The following SNX29 variants were observed in gnomAD, a reference collection of about 807,000 sequenced individuals.
SNX29 encodes sorting nexin-29.
SNX29 carries 78 observed loss-of-function variants against 102.1 expected under a neutral mutation model. The observed-to-expected ratio is 0.76, with a 90% CI of 0.64 to 0.92. SNX29 has a LOEUF of 0.92. SNX29 is among the 40% of genes least tolerant of loss of function. The pLI is 0.00. For synonymous variants in SNX29, 580 were observed against 414.5 expected, an observed-to-expected ratio of 1.40 and a Z score of -4.85; for missense variants, 1,280 against 1,061.7, an observed-to-expected ratio of 1.21 and a Z score of -2.86.
At chr16:12,130,150 C>G (rs999968412) in intron 13 of SNX29, among the ~76,000 whole-genome samples, 1 of 148,108 alleles carries the variant, frequency 6.8e-6, no homozygotes, top group Non-Finnish European at 1.5e-5. Context: ...CAAAAAAAAA[C>G]CTGAGCACAC....
At chr16:12,506,929 G>C (rs1409970708) in intron 19 of SNX29, among the ~76,000 whole-genome samples, 1 of 148,262 alleles carries the variant, frequency 6.7e-6, no homozygotes, top group Non-Finnish European at 1.5e-5. Context: ...ACTCATTTTT[G>C]CATTCGTTTG....
chr16:12,563,240 C>A (rs114741262), intron 20 of SNX29, among the ~76,000 whole-genome samples: 7 of 152,044 alleles, frequency 4.6e-5, no homozygotes, highest in Non-Finnish European at 7.3e-5. Flanking sequence ...GCCTCCCCAT[C>A]ATCACTGACC....
chr16:12,419,138 T>C (rs1345393604), intron 18 of SNX29, among the ~76,000 whole-genome samples: 1 of 152,122 alleles, frequency 6.6e-6, no homozygotes, highest in East Asian at 1.9e-4. Flanking sequence ...AGTGTAAGCA[T>C]TGTTTAGTTC....
intron 20 of SNX29, among the ~76,000 whole-genome samples, chr16:12,566,049 C>G (rs1025752330): frequency 1.3e-5 from 2 of 152,238 alleles, no homozygotes; most frequent in Non-Finnish European, 2.9e-5. Flanking sequence ...TTTGAATGTT[C>G]ACTGTTGCCC....
At chr16:12,417,664 C>T (rs918121142) in intron 18 of SNX29, among the ~76,000 whole-genome samples, 2 of 152,020 alleles carry the variant, frequency 1.3e-5, no homozygotes, top group Non-Finnish European at 2.9e-5. Context: ...CTCTTCCCTT[C>T]CTCCTCTTAC....
At chr16:12,317,853 G>C (rs571479546) in intron 15 of SNX29, among the ~76,000 whole-genome samples, 16 of 152,338 alleles carry the variant, frequency 1.1e-4, no homozygotes, top group East Asian at 3.9e-4. Context: ...GTGCCGGGGT[G>C]GGGGGTCGAA....
chr16:12,440,046 A>C (rs1214954307), intron 18 of SNX29, among the ~76,000 whole-genome samples: 1 of 152,130 alleles, frequency 6.6e-6, no homozygotes, highest in Non-Finnish European at 1.5e-5. Context: ...TTAGAGTCTC[A>C]TGTATAAAAT....
At chr16:12,163,415 G>C (rs2055878808) in intron 13 of SNX29, among the ~76,000 whole-genome samples, 1 of 152,134 alleles carries the variant, frequency 6.6e-6, no homozygotes, top group African/African-American at 2.4e-5. Context: ...TGCTACCCAG[G>C]GTGTTGAGGG....
At chr16:12,399,829 G>A (rs945673235) in intron 17 of SNX29, among the ~76,000 whole-genome samples, 2 of 152,124 alleles carry the variant, frequency 1.3e-5, no homozygotes, top group Non-Finnish European at 2.9e-5. Context: ...CTGTGGGCTT[G>A]TGGGCAGGGG....
intron 4 of SNX29, chr16:12,029,476 G>A (rs985499940): frequency 9.0e-6 from 4 of 444,156 alleles, no homozygotes; most frequent in African/African-American, 8.1e-5. Context: ...AACCCAAGTA[G>A]CCAGTACAGA....
chr16:12,241,082 A>C (rs962451143), intron 14 of SNX29, among the ~76,000 whole-genome samples: 2 of 152,128 alleles, frequency 1.3e-5, no homozygotes, highest in African/African-American at 4.8e-5. Flanking sequence ...TTTCTTGAAA[A>C]AATTAGCTAT....
chr16:12,375,509 C>T (rs918228535), intron 16 of SNX29: 1 of 152,214 alleles, frequency 6.6e-6, no homozygotes, highest in African/African-American at 2.4e-5. Context: ...ACTGCAGACA[C>T]CTCAGGGCTC....
intron 1 of SNX29, among the ~76,000 whole-genome samples, chr16:11,991,628 C>T (rs1405773483): frequency 6.6e-6 from 1 of 151,230 alleles, no homozygotes; most frequent in Non-Finnish European, 1.5e-5. Context: ...CTGCAACCTC[C>T]GCCTCCCAGG....
At chr16:12,140,663 G>T (rs984450446) in intron 13 of SNX29, among the ~76,000 whole-genome samples, 14 of 152,086 alleles carry the variant, frequency 9.2e-5, no homozygotes, top group African/African-American at 3.4e-4. Context: ...CAGCTGTCTT[G>T]CGCACCCTGT....
At chr16:12,540,883 C>A (rs1020622551) in intron 20 of SNX29, among the ~76,000 whole-genome samples, 1 of 152,236 alleles carries the variant, frequency 6.6e-6, no homozygotes, top group African/African-American at 2.4e-5. Flanking sequence ...CACTTCTGGA[C>A]CCAGAGCTGG....
intron 20 of SNX29, among the ~76,000 whole-genome samples, chr16:12,556,200 G>C (rs115538521): frequency 0.015 from 2,330 of 152,236 alleles, 54 homozygotes; most frequent in African/African-American, 0.053. Flanking sequence ...AGTCTGAAAT[G>C]CAACCTAGGG....
intron 20 of SNX29, among the ~76,000 whole-genome samples, chr16:12,544,081 T>G (rs982233894): frequency 6.6e-6 from 1 of 152,212 alleles, no homozygotes; most frequent in Non-Finnish European, 1.5e-5. Flanking sequence ...GGTAGAGGTC[T>G]TTCTGCAGAC....
intron 20 of SNX29, among the ~76,000 whole-genome samples, chr16:12,565,073 T>TG (rs2078939286): frequency 6.6e-6 from 1 of 152,120 alleles, no homozygotes; most frequent in Non-Finnish European, 1.5e-5. Flanking sequence ...AGGGGCCCAG[T>TG]GGGGACACAT....
At chr16:12,349,377 C>A (rs190066081) in intron 15 of SNX29, among the ~76,000 whole-genome samples, 79 of 152,280 alleles carry the variant, frequency 5.2e-4, no homozygotes, top group Admixed American at 4.4e-3. Flanking sequence ...GATCTGGACA[C>A]CCATTATTTC....
Sources: allele counts gnomAD v4.1 joint callset (sites outside exome capture counted in the v4.1 genomes callset), GRCh38; gene constraint gnomAD v4.1.1; transcripts MANE v1.5; gene names NCBI Gene and HGNC (gene_info 2026-07-23, HGNC 2026-07-21).